Variants in GPC6 observed in about 807,000 individuals in gnomAD.
GPC6 encodes glypican 6, also known as glypican-6.
In GPC6, 14 loss-of-function variants were observed where a neutral mutation model predicts 55.2. That is an observed-to-expected ratio of 0.25 (90% CI 0.17 to 0.40). The LOEUF (loss-of-function observed/expected upper bound fraction) is 0.40, where lower values mean the gene tolerates loss of function less well. GPC6 is among the 10% of genes least tolerant of loss of function. The pLI is 1.00. For synonymous variants in GPC6, 278 were observed against 259.6 expected, an observed-to-expected ratio of 1.07 and a Z score of -0.68; for missense variants, 641 against 708.5, an observed-to-expected ratio of 0.90 and a Z score of 1.08.
intron 4 of GPC6, among the ~76,000 whole-genome samples, chr13:94,163,907 G>T (rs189120404): frequency 6.6e-6 from 1 of 152,184 alleles, no homozygotes; most frequent in Non-Finnish European, 1.5e-5. Context: ...TAGATGACTA[G>T]ATAAAAATGA....
At position 94,404,027 on chromosome 13, in the gene GPC6, G is replaced by T. The variant is rs533654966; in HGVS notation, c.*810G>T. The T allele has an allele frequency of 6.6e-6, 1 of 152,132 alleles. No individual in the cohort carries two copies. The highest frequency in any genetic ancestry group is 1.9e-4 in the East Asian group (1 of 5,168). 9.4% of individuals were successfully genotyped at this position (152,132 alleles called of 1,614,324 possible). On this transcript the variant is annotated 3_prime_UTR_variant, in exon 9 of 9. Coordinates refer to ENST00000377047, the MANE Select transcript of GPC6 (RefSeq NM_005708.5). The stretch of plus-strand genomic sequence containing the variant: ...TTTTCCCCTTCATCTTCAATTACTA[G>T]TAGCTACCCCCATCAATTCACCTTC...
At chr13:94,133,725 T>A (rs1887086116) in intron 4 of GPC6, among the ~76,000 whole-genome samples, 1 of 152,088 alleles carries the variant, frequency 6.6e-6, no homozygotes, top group Non-Finnish European at 1.5e-5. Context: ...TTTTTTTTTT[T>A]TTGGTCTCAG....
intron 3 of GPC6, among the ~76,000 whole-genome samples, chr13:93,856,862 A>G (rs1888634364): frequency 6.6e-6 from 1 of 151,634 alleles, no homozygotes; most frequent in African/African-American, 2.4e-5. Context: ...TTGTGCCTCC[A>G]TTTAAGAGAA....
chr13:93,475,192 C>A (rs993935463), intron 1 of GPC6, among the ~76,000 whole-genome samples: 23 of 151,862 alleles, frequency 1.5e-4, no homozygotes, highest in Non-Finnish European at 2.5e-4. Flanking sequence ...ACACACACAG[C>A]AACCACTATG....
intron 2 of GPC6, among the ~76,000 whole-genome samples, chr13:93,656,978 C>T (rs1165380212): frequency 6.6e-6 from 1 of 151,976 alleles, no homozygotes; most frequent in African/African-American, 2.4e-5. Context: ...TAAAACATTC[C>T]ATGCACAAGG....
Position 94,234,100 on chromosome 13 carries a change from T to C in GPC6, c.878-52249T>C, listed in dbSNP as rs113458809. Among the ~76,000 whole-genome samples the C allele has an allele frequency of 4.2e-3, 637 of 152,210 alleles. 10 individuals carry two copies. The highest frequency in any genetic ancestry group is 0.015 in the African/African-American group (611 of 41,530). On this transcript the variant is annotated intron_variant, in intron 4 of 8. Transcript: ENST00000377047. ...CAAAACCATGGCCTACATAATCTTA[T>C]TTAGTCACACCTCATTTCCCCTGCA...
chr13:94,068,830 C>T (rs1291864167), intron 4 of GPC6, among the ~76,000 whole-genome samples: 3 of 152,192 alleles, frequency 2.0e-5, no homozygotes, highest in African/African-American at 4.8e-5. Flanking sequence ...TCTTGGGCAG[C>T]TCCACCCCTG....
At chr13:94,382,252 G>A (rs555831302) in intron 6 of GPC6, among the ~76,000 whole-genome samples, 162 bp from the exon 7 acceptor site, 3 of 152,136 alleles carry the variant, frequency 2.0e-5, no homozygotes, top group Admixed American at 6.5e-5. Flanking sequence ...AGGCTTTCCC[G>A]GGCAATAAAC....
At chr13:94,169,318 T>C (rs372730564) in intron 4 of GPC6, among the ~76,000 whole-genome samples, 12 of 152,300 alleles carry the variant, frequency 7.9e-5, no homozygotes, top group African/African-American at 2.9e-4. Flanking sequence ...CAAATTGATC[T>C]TGGCAGGAAA....
chr13:94,114,015 TAAAA>T (rs781286249), intron 4 of GPC6, among the ~76,000 whole-genome samples: 1 of 37,416 alleles, frequency 2.7e-5, no homozygotes, highest in Admixed American at 3.5e-4. Context: ...AGACTCTGTC[TAAAA>T]AAAAAAAAAA....
intron 3 of GPC6, among the ~76,000 whole-genome samples, chr13:94,022,083 C>A (rs1882717520): frequency 6.6e-6 from 1 of 152,028 alleles, no homozygotes; most frequent in Non-Finnish European, 1.5e-5. Flanking sequence ...AGTCACCCAT[C>A]CCCTCTCAGA....
chr13:93,355,152 G>C (rs1449784831), intron 1 of GPC6, among the ~76,000 whole-genome samples: 1 of 152,060 alleles, frequency 6.6e-6, no homozygotes, highest in African/African-American at 2.4e-5. Context: ...TTCCTCTCCT[G>C]TTTTTCTCCT....
chr13:93,980,497 G>A (rs1880749966), intron 3 of GPC6, among the ~76,000 whole-genome samples: 1 of 152,100 alleles, frequency 6.6e-6, no homozygotes, highest in Admixed American at 6.6e-5. Context: ...TTGGAAATAG[G>A]GCAGGGCTTA....
intron 1 of GPC6, among the ~76,000 whole-genome samples, chr13:93,443,568 C>G (rs1415406653): frequency 6.6e-6 from 1 of 152,092 alleles, no homozygotes; most frequent in Non-Finnish European, 1.5e-5. Flanking sequence ...GGCATATTCA[C>G]AACATATTTA....
chr13:93,284,766 A>G (rs534085798), intron 1 of GPC6, among the ~76,000 whole-genome samples: 2 of 152,302 alleles, frequency 1.3e-5, no homozygotes, highest in South Asian at 4.1e-4. Flanking sequence ...GTGTTGATCA[A>G]AACAGCTTAG....
At chr13:94,027,669 T>C in intron 3 of GPC6, 60 bp from the exon 4 acceptor site, 1 of 1,505,942 alleles carries the variant, frequency 6.6e-7, no homozygotes, top group African/African-American at 1.4e-5. Flanking sequence ...TTTTGTCTTT[T>C]TTTCCTCCTC....
At chr13:93,316,294 T>C (rs1317808366) in intron 1 of GPC6, among the ~76,000 whole-genome samples, 1 of 152,070 alleles carries the variant, frequency 6.6e-6, no homozygotes, top group African/African-American at 2.4e-5. Context: ...GATATACTAA[T>C]AAAATCGACA....
chr13:93,286,707 C>T (rs2139074558), intron 1 of GPC6, among the ~76,000 whole-genome samples: 1 of 152,178 alleles, frequency 6.6e-6, no homozygotes, highest in South Asian at 2.1e-4. Flanking sequence ...GTTTTATATC[C>T]CAAGGAAACA....
At chr13:94,323,193 G>A (rs1158921615) in intron 6 of GPC6, among the ~76,000 whole-genome samples, 1 of 152,040 alleles carries the variant, frequency 6.6e-6, no homozygotes, top group Non-Finnish European at 1.5e-5. Flanking sequence ...CCCACCAGAT[G>A]CACAGCCCCT....
Sources: allele counts gnomAD v4.1 joint callset (sites outside exome capture counted in the v4.1 genomes callset), GRCh38; gene constraint gnomAD v4.1.1; transcripts MANE v1.5; gene names NCBI Gene and HGNC (gene_info 2026-07-23, HGNC 2026-07-21).